Variants in FBLN2 observed in about 807,000 individuals in gnomAD.
The protein encoded by FBLN2 is fibulin 2, also known as fibulin-2.
FBLN2 carries 81 observed loss-of-function variants against 123.7 expected under a neutral mutation model. That is an observed-to-expected ratio of 0.65 (90% confidence interval 0.55 to 0.79). FBLN2 has a LOEUF of 0.79. Ranked by LOEUF, FBLN2 falls within the 30% of genes least tolerant of loss-of-function variation. FBLN2 has a pLI of 0.00. For synonymous variants in FBLN2, 699 were observed against 701.4 expected, an observed-to-expected ratio of 1.00 and a Z score of 0.05; for missense variants, 1,603 against 1,681.3, an observed-to-expected ratio of 0.95 and a Z score of 0.81.
Position 13,570,868 on chromosome 3 carries a change from C to T in FBLN2, c.513C>T (p.Cys171=). 6.2e-7 allele frequency: 1 copy of T among 1,610,976 alleles called. No individual in the cohort carries two copies. Among genetic ancestry groups the T allele is most frequent in the African/African-American group, 1.3e-5 (1 of 74,998 alleles). ...CTGACGCCGGTGGAGAGCTCATCTG[C>T]TACCAGCTCCCCGGTTGCCACGGGA... ...HCPDAGGELI[C]YQLPGCHGNF... Residue 171 remains cysteine, a synonymous_variant, in exon 2 of 18, where the codon TGC becomes TGT. Transcript: ENST00000404922.
At position 13,571,486 on chromosome 3, in the gene FBLN2, C is replaced by T; in HGVS notation, c.1131C>T (p.Pro377=). The T allele has an allele frequency of 1.2e-6, 2 of 1,613,560 alleles. No homozygotes were observed. The highest frequency in any genetic ancestry group is 1.3e-5 in the African/African-American group (1 of 75,048). Residue 377 remains proline, a synonymous_variant, in exon 2 of 18, where the codon CCC becomes CCT. Coordinates refer to ENST00000404922, the MANE Select transcript of FBLN2 (RefSeq NM_001004019.2). Reference sequence around the variant, plus strand: ...CAACTCAGGCCGTGCCTGGCTCTCCCAGGGACCCAGTCAAGCCCAGCCCCC... The same window carrying T: ...CAACTCAGGCCGTGCCTGGCTCTCCTAGGGACCCAGTCAAGCCCAGCCCCC... ...LVPTQAVPGS[P]RDPVKPSPHN...
chr3:13,633,180 G>A (rs547698574), intron 16 of FBLN2, among the ~76,000 whole-genome samples: 1 of 152,254 alleles, frequency 6.6e-6, no homozygotes, highest in Non-Finnish European at 1.5e-5. Context: ...CCACTAGAGA[G>A]GGCTTCCCGG....
intron 9 of FBLN2, among the ~76,000 whole-genome samples, chr3:13,622,866 G>A (rs1705901977): frequency 6.6e-6 from 1 of 152,272 alleles, no homozygotes; most frequent in South Asian, 2.1e-4. Flanking sequence ...CACGCGCAGA[G>A]GGCGAGGTCA....
intron 2 of FBLN2, among the ~76,000 whole-genome samples, chr3:13,602,608 C>T (rs1574974356): frequency 6.6e-6 from 1 of 152,174 alleles, no homozygotes; most frequent in East Asian, 1.9e-4. Flanking sequence ...TTTTCGTCTT[C>T]ATGTGAATCA....
At chr3:13,562,466 C>G (rs563649534) in intron 1 of FBLN2, among the ~76,000 whole-genome samples, 1 of 151,226 alleles carries the variant, frequency 6.6e-6, no homozygotes, top group Non-Finnish European at 1.5e-5. Context: ...AAGCAATTCT[C>G]GTGCCTCAGC....
intron 2 of FBLN2, among the ~76,000 whole-genome samples, chr3:13,586,180 TTTTTTTC>T (rs1290355735): frequency 6.6e-6 from 1 of 152,242 alleles, no homozygotes; most frequent in Non-Finnish European, 1.5e-5. Context: ...TCTTAGTTTC[TTTTTTTC>T]TTTTTTCTTT....
rs780237569 is a variant in FBLN2, at chr3:13,571,124, G to T, written c.769G>T (p.Ala257Ser). 44 of 1,552,400 alleles carry T rather than the reference G, an allele frequency of 2.8e-5. No homozygotes were observed. Among genetic ancestry groups the T allele is most frequent in the Non-Finnish European group, 3.6e-5 (41 of 1,148,394 alleles). Residue 257 changes from alanine to serine, a missense_variant, in exon 2 of 18, where the codon GCT becomes TCT. By Grantham distance (99) the Ala-to-Ser change is moderately conservative. Coordinates refer to ENST00000404922, the MANE Select transcript of FBLN2 (RefSeq NM_001004019.2). ...WPAVLPRPTAAAALGPPAPVQ... is the reference protein window; with the variant it reads ...WPAVLPRPTASAALGPPAPVQ... ...AGCTGTCCTCCCCAGGCCCACAGCG[G>T]CTGCTGCCCTGGGTCCCCCAGCCCC...
At chr3:13,571,761 G>A (rs1574951356) in intron 2 of FBLN2, 100 bp downstream of exon 2, 4 of 1,386,272 alleles carry the variant, frequency 2.9e-6, no homozygotes, top group Non-Finnish European at 3.8e-6. Context: ...TGGGGATGCT[G>A]GACTGTGGGG....
chr3:13,578,777 G>A (rs1232302075), intron 2 of FBLN2, among the ~76,000 whole-genome samples: 2 of 152,192 alleles, frequency 1.3e-5, no homozygotes, highest in African/African-American at 2.4e-5. Flanking sequence ...GCCTGAGGCC[G>A]GGTGTGGTGG....
chr3:13,609,683 G>GT, intron 4 of FBLN2, 41 bp downstream of exon 4: 1 of 1,454,340 alleles, frequency 6.9e-7, no homozygotes, highest in Non-Finnish European at 9.3e-7. Context: ...GTGGGGTGGG[G>GT]CGGGGCGGGA....
chr3:13,558,780 C>CCAT (rs1559397592), intron 1 of FBLN2, among the ~76,000 whole-genome samples: 2 of 6,562 alleles, frequency 3.0e-4, no homozygotes, highest in African/African-American at 1.2e-3. Context: ...CATCCATCCA[C>CCAT]CCATCCACCC....
At chr3:13,597,417 A>T (rs567379025) in intron 2 of FBLN2, among the ~76,000 whole-genome samples, 1 of 152,336 alleles carries the variant, frequency 6.6e-6, no homozygotes, top group African/African-American at 2.4e-5. Context: ...GATGGCAGTC[A>T]GCAAGAGTTC....
Position 13,571,498 on chromosome 3 carries a change from C to T in FBLN2, c.1143C>T (p.Val381=), listed in dbSNP as rs370944325. Residue 381 remains valine (V), a synonymous_variant, in exon 2 of 18, where the codon GTC becomes GTT. Transcript: ENST00000404922. ...TGCCTGGCTCTCCCAGGGACCCAGT[C>T]AAGCCCAGCCCCCACAACATCCTGT... ...QAVPGSPRDP[V]KPSPHNILST... 27 of 1,613,502 alleles carry T rather than the reference C, an allele frequency of 1.7e-5. No individual in the cohort carries two copies. In the African/African-American group the frequency reaches 3.3e-4, roughly 20 times the overall value.
intron 2 of FBLN2, among the ~76,000 whole-genome samples, chr3:13,575,098 G>A (rs1291356089): frequency 2.0e-5 from 3 of 152,200 alleles, no homozygotes; most frequent in Non-Finnish European, 2.9e-5. Flanking sequence ...AATCATCGTC[G>A]CATTTCTAAT....
chr3:13,619,125 C>A (rs369660421), intron 7 of FBLN2, 108 bp downstream of exon 7: 3 of 765,228 alleles, frequency 3.9e-6, no homozygotes, highest in Non-Finnish European at 6.4e-6. Flanking sequence ...GCAAGATGGC[C>A]CCTCCAAAGG....
intron 15 of FBLN2, 55 bp from the exon 16 acceptor site, chr3:13,631,274 G>A (rs1706246124): frequency 1.3e-6 from 2 of 1,574,926 alleles, no homozygotes; most frequent in East Asian, 4.6e-5. Context: ...GACTGTCAGT[G>A]GCTGGGCTCT....
At chr3:13,609,700 C>T in intron 4 of FBLN2, 58 bp downstream of exon 4, 2 of 1,529,824 alleles carry the variant, frequency 1.3e-6, no homozygotes, top group South Asian at 1.2e-5. Flanking sequence ...GGGAGGCTGG[C>T]CTGGGCCTGA....
intron 2 of FBLN2, among the ~76,000 whole-genome samples, chr3:13,580,079 A>G (rs1448928119): frequency 2.0e-5 from 3 of 152,226 alleles, no homozygotes; most frequent in South Asian, 4.1e-4. Context: ...TGATTGTTGC[A>G]TAGTGTTCCG....
chr3:13,599,114 C>A (rs1704941512), intron 2 of FBLN2, among the ~76,000 whole-genome samples: 1 of 152,176 alleles, frequency 6.6e-6, no homozygotes, highest in Admixed American at 6.5e-5. Context: ...AGTGGCTTTT[C>A]TGTGGGATCT....
Sources: gnomAD v4.1 joint callset for allele counts (sites outside exome capture counted in the v4.1 genomes callset) on GRCh38, gnomAD v4.1.1 for gene constraint, MANE v1.5 for transcripts, NCBI Gene and HGNC (gene_info 2026-07-23, HGNC 2026-07-21) for gene names.